PLEKHA7: variants seen among roughly 807,000 people sequenced by gnomAD.
PLEKHA7 encodes pleckstrin homology domain-containing family A member 7.
Under a neutral mutation model 170.0 loss-of-function variants are expected in PLEKHA7, and 104 were observed. That is an observed-to-expected ratio of 0.61 (90% confidence interval 0.52 to 0.72). The LOEUF is 0.72. PLEKHA7 is among the 30% of genes least tolerant of loss of function. PLEKHA7 has a pLI of 0.00. For missense variants in PLEKHA7, 1,615 were observed against 1,671.7 expected, an observed-to-expected ratio of 0.97 and a Z score of 0.59; for synonymous variants, 648 against 660.8, an observed-to-expected ratio of 0.98 and a Z score of 0.30.
intron 9 of PLEKHA7, among the ~76,000 whole-genome samples, chr11:16,839,193 A>C (rs548893014): frequency 6.6e-6 from 1 of 152,256 alleles, no homozygotes; most frequent in Admixed American, 6.5e-5. Context: ...ATTCATATAT[A>C]CTGATATTGA....
chr11:16,791,430 T>C lies in PLEKHA7; in HGVS notation c.2746-231A>G. The stretch of plus-strand genomic sequence containing the variant: ...TATACAGTTTCTATTCCTCCAAGTG[T>C]TACCTGTATAACTGTGTCCTGAAAC... On this transcript the variant is annotated intron_variant, in intron 19 of 26. Coordinates refer to ENST00000531066, the MANE Select transcript of PLEKHA7 (RefSeq NM_001329630.2). This position sits in a 1 kb window ranked among gnomAD's most constrained non-coding sequence, Gnocchi z 4.5. The C allele has an allele frequency of 1.6e-6, 1 of 618,628 alleles. No individual in the cohort carries two copies. Among genetic ancestry groups the C allele is most frequent in the Non-Finnish European group, 2.9e-6 (1 of 342,876 alleles). The allele number at this position is 618,628 out of a possible 1,614,324, so 38.3% of individuals were successfully genotyped here.
At chr11:16,977,044 C>G (rs1052966276) in intron 3 of PLEKHA7, among the ~76,000 whole-genome samples, 1 of 152,144 alleles carries the variant, frequency 6.6e-6, no homozygotes, top group Non-Finnish European at 1.5e-5. Flanking sequence ...TGCACCTCAG[C>G]CAGAGCATCC....
At chr11:16,881,674 C>A (rs1368698700) in intron 3 of PLEKHA7, 1 of 152,254 alleles carries the variant, frequency 6.6e-6, no homozygotes, top group African/African-American at 2.4e-5. Flanking sequence ...TAAAGAAACA[C>A]CCCTATCTAC....
At chr11:17,009,448 A>C (rs576304324) in intron 3 of PLEKHA7, among the ~76,000 whole-genome samples, 1 of 152,338 alleles carries the variant, frequency 6.6e-6, no homozygotes, top group East Asian at 1.9e-4. Context: ...AATCAATGAC[A>C]GTTACAGAAC....
chr11:16,801,087 G>A lies in PLEKHA7; in HGVS notation c.2308-12C>T, dbSNP rs115463430. 5.9e-4 allele frequency: 946 copies of A among 1,611,142 alleles called. 6 individuals are homozygous for A. The African/African-American group carries it at 0.011, about 19-fold the overall frequency. On this transcript the variant is annotated splice_polypyrimidine_tract_variant and intron_variant, in intron 16 of 26. Transcript: ENST00000531066. ...GCATTTTCCATCTCCTGTTGGCCAA[G>A]ACAATGCTTCCGGTTCTTAGTTATC...
chr11:16,987,672 G>A (rs757628911), intron 3 of PLEKHA7, among the ~76,000 whole-genome samples: 1 of 152,254 alleles, frequency 6.6e-6, no homozygotes, highest in South Asian at 2.1e-4. Context: ...TGCTTCTGCT[G>A]TAACCTTTGC....
chr11:16,973,029 A>G (rs1374709473), intron 3 of PLEKHA7, among the ~76,000 whole-genome samples: 2 of 152,246 alleles, frequency 1.3e-5, no homozygotes, highest in Admixed American at 1.3e-4. Flanking sequence ...CCTTGAATCA[A>G]AGACCCTCTG....
At chr11:16,903,507 T>A (rs1428824580) in intron 3 of PLEKHA7, among the ~76,000 whole-genome samples, 1 of 152,174 alleles carries the variant, frequency 6.6e-6, no homozygotes, top group African/African-American at 2.4e-5. Context: ...GACGCCTACA[T>A]TAGAATATCT....
chr11:16,880,028 T>C (rs1855594860), intron 3 of PLEKHA7, among the ~76,000 whole-genome samples: 1 of 152,206 alleles, frequency 6.6e-6, no homozygotes, highest in Non-Finnish European at 1.5e-5. Flanking sequence ...AAAGCCAAGA[T>C]TCTGATAGAA....
rs1335918898 is a variant in PLEKHA7 at position 16,903,893 on chromosome 11, CCTT to C, written c.222-32714_222-32712del. ...AGCAAACAGGCCTTTCAGTTTTTGTCCTTCTTGCCATGTTCTCTTCCTTCAGAG... is the reference window on the plus strand; with the variant it reads ...AGCAAACAGGCCTTTCAGTTTTTGTCCTTGCCATGTTCTCTTCCTTCAGAG... On this transcript the variant is annotated intron_variant, in intron 3 of 26. Transcript: ENST00000531066. Among the ~76,000 whole-genome samples, 4 of 152,210 alleles carry C rather than the reference CCTT, an allele frequency of 2.6e-5. No individual in the cohort carries two copies. The East Asian group carries it at 7.7e-4, about 29-fold the overall frequency.
chr11:16,978,995 G>C (rs955884789), intron 3 of PLEKHA7, among the ~76,000 whole-genome samples: 1 of 152,144 alleles, frequency 6.6e-6, no homozygotes, highest in African/African-American at 2.4e-5. Flanking sequence ...CCAGCCACCA[G>C]AACAAGATTT....
chr11:16,782,172 C>CAT (rs397965722), intron 26 of PLEKHA7, among the ~76,000 whole-genome samples: 1 of 150,878 alleles, frequency 6.6e-6, no homozygotes, highest in Non-Finnish European at 1.5e-5. Flanking sequence ...CACACACACA[C>CAT]CCACACACAC....
chr11:16,990,230 C>T (rs1404288373), intron 3 of PLEKHA7, among the ~76,000 whole-genome samples: 6 of 146,312 alleles, frequency 4.1e-5, no homozygotes, highest in Admixed American at 7.1e-5. Flanking sequence ...GCTGAGATCA[C>T]GCCACTGCAT....
Position 16,777,455 on chromosome 11 carries a change from T to C in PLEKHA7, c.*1543A>G, listed in dbSNP as rs1034564317. On this transcript the variant is annotated 3_prime_UTR_variant, in exon 27 of 27. Transcript: ENST00000531066. ...TTGGCAAATGTCATGAAGTCGATAC[T>C]GGCAGCATATGGAGTTAGTTAAAAA... 6.6e-6 allele frequency: 1 copy of C among 152,234 alleles called. No individual in the cohort carries two copies. Among genetic ancestry groups the C allele is most frequent in the Non-Finnish European group, 1.5e-5 (1 of 68,040 alleles). The allele number at this position is 152,234 out of a possible 1,614,324, so 9.4% of individuals were successfully genotyped here.
At chr11:16,861,438 A>C (rs1279976563) in intron 4 of PLEKHA7, among the ~76,000 whole-genome samples, 2 of 151,898 alleles carry the variant, frequency 1.3e-5, no homozygotes, top group African/African-American at 2.4e-5. Context: ...GGATCGCTTG[A>C]GCTAAGGAGC....
intron 3 of PLEKHA7, among the ~76,000 whole-genome samples, chr11:16,924,819 A>C (rs1049894569): frequency 2.6e-5 from 4 of 152,178 alleles, no homozygotes; most frequent in African/African-American, 9.6e-5. Flanking sequence ...ACACATTAAT[A>C]ATTAACTTGC....
At chr11:16,818,710 T>C (rs146263640) in intron 10 of PLEKHA7, among the ~76,000 whole-genome samples, 45 of 152,346 alleles carry the variant, frequency 3.0e-4, no homozygotes, top group African/African-American at 1.1e-3. Flanking sequence ...TGTGCGTAAT[T>C]AGCCCTTCAA....
chr11:16,961,690 G>A (rs1862070470), intron 3 of PLEKHA7, among the ~76,000 whole-genome samples: 2 of 152,222 alleles, frequency 1.3e-5, no homozygotes, highest in Admixed American at 6.5e-5. Flanking sequence ...GGCAGGGCCC[G>A]GTGTGTGGAA....
intron 3 of PLEKHA7, among the ~76,000 whole-genome samples, chr11:16,906,185 A>T (rs1169895042): frequency 1.3e-5 from 2 of 148,528 alleles, no homozygotes; most frequent in African/African-American, 5.0e-5. Flanking sequence ...CTGTGTTTGG[A>T]GATTAGATCC....
Sources: gnomAD v4.1 joint callset for allele counts (sites outside exome capture counted in the v4.1 genomes callset) on GRCh38, gnomAD v4.1.1 for gene constraint, Gnocchi (gnomAD v3.1) non-coding constraint, MANE v1.5 for transcripts, NCBI Gene and HGNC (gene_info 2026-07-23, HGNC 2026-07-21) for gene names.